Variants in SORBS2 observed in about 807,000 individuals in gnomAD.
SORBS2 encodes the protein sorbin and SH3 domain containing 2.
Under a neutral mutation model 97.7 loss-of-function variants are expected in SORBS2, and 46 were observed. That is an observed-to-expected ratio of 0.47 (90% confidence interval 0.37 to 0.60). SORBS2 has a LOEUF of 0.60. Among genes scored for constraint, SORBS2 ranks in the 20% least tolerant of loss-of-function variants. The pLI, the probability that SORBS2 is intolerant of heterozygous loss-of-function variation, is 0.00. For missense variants in SORBS2, 1,316 were observed against 1,282.3 expected (o/e 1.03, Z -0.40); for synonymous variants, 476 against 473.4 (o/e 1.01, Z -0.07).
intron 6 of SORBS2, 96 bp downstream of exon 18, chr4:185,626,736 C>G: frequency 8.9e-7 from 1 of 1,127,036 alleles, no homozygotes; most frequent in East Asian, 2.3e-5. Flanking sequence ...TAGGTGAGAG[C>G]TGGCACATGC....
chr4:185,898,034 C>T (rs2099245892), intron 1 of SORBS2, among the ~76,000 whole-genome samples: 2 of 152,224 alleles, frequency 1.3e-5, no homozygotes, highest in African/African-American at 2.4e-5. Context: ...AAGACCCCGT[C>T]TCAAACAAAC....
At chr4:185,632,143 C>T (rs1291430224) in intron 4 of SORBS2, among the ~76,000 whole-genome samples, 2 of 152,182 alleles carry the variant, frequency 1.3e-5, no homozygotes, top group Non-Finnish European at 2.9e-5. Flanking sequence ...TCAATTAAAA[C>T]AATACAATTT....
chr4:185,670,967 G>A (rs1582366494), intron 4 of SORBS2, among the ~76,000 whole-genome samples: 1 of 152,178 alleles, frequency 6.6e-6, no homozygotes, highest in African/African-American at 2.4e-5. Flanking sequence ...GAGTCAGAGA[G>A]TATCATGGAA....
intron 2 of SORBS2, chr4:185,772,470 G>T (rs77985804): frequency 6.6e-6 from 1 of 152,138 alleles, no homozygotes; most frequent in Admixed American, 6.5e-5. Flanking sequence ...ACTGTCAAGC[G>T]GATAGACCTG....
At chr4:185,730,429 A>C (rs1167962747) in intron 2 of SORBS2, among the ~76,000 whole-genome samples, 1 of 152,056 alleles carries the variant, frequency 6.6e-6, no homozygotes, top group Non-Finnish European at 1.5e-5. Context: ...ATTTTAATAA[A>C]AGCTTTTCTT....
At chr4:185,779,670 T>C (rs970677512) in intron 1 of SORBS2, among the ~76,000 whole-genome samples, 3 of 152,194 alleles carry the variant, frequency 2.0e-5, no homozygotes, top group Non-Finnish European at 4.4e-5. Flanking sequence ...ATGAGTATTG[T>C]TTTCTAGAGA....
At chr4:185,738,816 C>T (rs1269247016) in intron 2 of SORBS2, among the ~76,000 whole-genome samples, 1 of 152,196 alleles carries the variant, frequency 6.6e-6, no homozygotes, top group Non-Finnish European at 1.5e-5. Context: ...TATTTTGTTA[C>T]ACTTTCAAGT....
At chr4:185,631,505 G>A (rs1221706146) in intron 4 of SORBS2, among the ~76,000 whole-genome samples, 4 of 152,158 alleles carry the variant, frequency 2.6e-5, no homozygotes, top group African/African-American at 7.2e-5. Flanking sequence ...GCTCATGCCT[G>A]TAATCCCAGC....
rs746436430 is a variant in SORBS2, at chr4:185,662,085, C to A, written c.94+19G>T. The A allele has an allele frequency of 1.2e-6, 2 of 1,613,050 alleles. No individual in the cohort carries two copies. Among genetic ancestry groups the A allele is most frequent in the Non-Finnish European group, 1.7e-6 (2 of 1,179,510 alleles). ...CGCATTGAGGTTGCCATGGAAATCA[C>A]GGTGAGTAAATTACTTACCGAGGGA... On this transcript the variant is annotated intron_variant, in intron 5 of 20. Coordinates refer to the SORBS2 transcript ENST00000284776.
At chr4:185,812,599 A>ATTTCC (rs1227437363) in intron 1 of SORBS2, among the ~76,000 whole-genome samples, 1 of 152,240 alleles carries the variant, frequency 6.6e-6, no homozygotes, top group African/African-American at 2.4e-5. Context: ...CCTTCCAGTC[A>ATTTCC]TAGAATGAGT....
intron 1 of SORBS2, among the ~76,000 whole-genome samples, chr4:185,821,184 C>T (rs1056231596): frequency 3.3e-5 from 5 of 152,146 alleles, no homozygotes; most frequent in African/African-American, 1.2e-4. Flanking sequence ...GGGCCACACG[C>T]GAGCTAAGTG....
At chr4:185,943,747 A>G (rs2150006861) in intron 1 of SORBS2, among the ~76,000 whole-genome samples, 1 of 152,384 alleles carries the variant, frequency 6.6e-6, no homozygotes, top group East Asian at 1.9e-4. Context: ...ACGTTAGGTT[A>G]TATTAGAAAA....
chr4:185,938,041 G>C (rs1579583331), intron 1 of SORBS2, among the ~76,000 whole-genome samples: 1 of 120,498 alleles, frequency 8.3e-6, no homozygotes, highest in East Asian at 2.6e-4. Context: ...ATGGGGTCTT[G>C]CTCTGTCACC....
chr4:185,651,805 T>A (rs776559693), intron 2 of SORBS2: 4 of 1,503,578 alleles, frequency 2.7e-6, no homozygotes, highest in Non-Finnish European at 2.8e-6. Context: ...GTATAAGGAG[T>A]ATTATACATG....
At chr4:185,694,622 G>T (rs1462998594) in intron 2 of SORBS2, among the ~76,000 whole-genome samples, 2 of 151,922 alleles carry the variant, frequency 1.3e-5, no homozygotes, top group African/African-American at 4.8e-5. Context: ...TTCATGGAAG[G>T]GCTGTAAACA....
intron 2 of SORBS2, among the ~76,000 whole-genome samples, chr4:185,759,463 G>C (rs2098851601): frequency 6.6e-6 from 1 of 152,170 alleles, no homozygotes; most frequent in East Asian, 1.9e-4. Flanking sequence ...TCTAAGGATT[G>C]AGCTGGATGA....
At chr4:185,592,182 TA>T (rs1240922222) in intron 13 of SORBS2, 2 of 152,602 alleles carry the variant, frequency 1.3e-5, no homozygotes, top group Non-Finnish European at 2.9e-5. Flanking sequence ...CAACTTTTTC[TA>T]GAACATATTT....
chr4:185,706,334 C>A (rs1336738445), intron 2 of SORBS2, among the ~76,000 whole-genome samples: 1 of 152,150 alleles, frequency 6.6e-6, no homozygotes, highest in Admixed American at 6.5e-5. Flanking sequence ...ATATCCCAAC[C>A]AAAATCAGAT....
chr4:185,664,146 G>A (rs901013667), intron 4 of SORBS2, among the ~76,000 whole-genome samples: 34 of 152,028 alleles, frequency 2.2e-4, no homozygotes, highest in Admixed American at 4.6e-4. Context: ...GAGCCACCGC[G>A]CCCGGCCTAG....
Sources: allele counts gnomAD v4.1 joint callset (sites outside exome capture counted in the v4.1 genomes callset), GRCh38; gene constraint gnomAD v4.1.1; transcripts MANE v1.5; gene names NCBI Gene and HGNC (gene_info 2026-07-23, HGNC 2026-07-21).